Variants in SLC35D1 observed in about 807,000 individuals in gnomAD.
SLC35D1 encodes the protein nucleotide sugar transporter SLC35D1.
SLC35D1 carries 31 observed loss-of-function variants against 46.7 expected under a neutral mutation model. That is an observed-to-expected ratio of 0.66 (90% CI 0.50 to 0.90). SLC35D1 has a LOEUF of 0.90. Ranked by LOEUF, SLC35D1 falls within the 40% of genes least tolerant of loss-of-function variation. The probability of loss-of-function intolerance (pLI) is 0.00; values close to 1 mark genes in which losing one functional copy is unlikely to be tolerated. For synonymous variants in SLC35D1, 195 were observed against 164.6 expected (o/e 1.18, Z -1.41); for missense variants, 397 against 426.2 (o/e 0.93, Z 0.60).
chr1:67,020,507 G>C, intron 9 of SLC35D1, 60 bp from the exon 10 acceptor site: 1 of 1,240,230 alleles, frequency 8.1e-7, no homozygotes, highest in Non-Finnish European at 1.2e-6. Flanking sequence ...CTCTAGCCAA[G>C]ATAAACAATC....
chr1:66,979,135 T>TA, the SLC35D1 span, among the ~76,000 whole-genome samples: 1 of 152,010 alleles, frequency 6.6e-6, no homozygotes, highest in Non-Finnish European at 1.5e-5. Context: ...GAAAGAATCA[T>TA]ACTTTTTTAC....
At chr1:67,042,377 A>ATG in intron 7 of SLC35D1, 49 bp from the exon 8 acceptor site, 1 of 1,505,464 alleles carries the variant, frequency 6.6e-7, no homozygotes. Context: ...GTTCTAGCAG[A>ATG]TACAACACTG....
At chr1:67,046,520 A>G (rs1435853279) in intron 7 of SLC35D1, among the ~76,000 whole-genome samples, 2 of 152,220 alleles carry the variant, frequency 1.3e-5, no homozygotes, top group East Asian at 3.8e-4. Context: ...CTATGGTGAC[A>G]TCTAAGATAA....
the SLC35D1 span, among the ~76,000 whole-genome samples, chr1:66,981,146 C>CT: frequency 1.3e-5 from 2 of 152,148 alleles, no homozygotes; most frequent in Non-Finnish European, 2.9e-5. Flanking sequence ...AGAGACAAAT[C>CT]TCTATCCCAG....
chr1:67,053,133 G>A (rs1417120753), intron 1 of SLC35D1, 144 bp from the exon 2 acceptor site: 1 of 997,310 alleles, frequency 1.0e-6, no homozygotes, highest in Non-Finnish European at 1.5e-6. Flanking sequence ...AAAATCTTGG[G>A]AGAAAACTCT....
downstream of SLC35D1, among the ~76,000 whole-genome samples, chr1:66,997,763 TTAAA>T (rs1307233747): frequency 7.5e-5 from 11 of 147,090 alleles, no homozygotes; most frequent in African/African-American, 2.0e-4. Context: ...ATATATATCC[TTAAA>T]TATATATATT....
chr1:67,016,614 TCTAAA>T (rs1466822948), intron 10 of SLC35D1, among the ~76,000 whole-genome samples: 3 of 152,148 alleles, frequency 2.0e-5, no homozygotes, highest in Non-Finnish European at 4.4e-5. Context: ...TTTTTTTTCT[TCTAAA>T]CTATTTATAA....
At chr1:67,030,252 A>G (rs1667990821) in intron 8 of SLC35D1, among the ~76,000 whole-genome samples, 1 of 152,228 alleles carries the variant, frequency 6.6e-6, no homozygotes, top group Non-Finnish European at 1.5e-5. Flanking sequence ...GTATTAGATC[A>G]GCTTGAAAAG....
chr1:67,019,224 A>C (rs549684489), intron 10 of SLC35D1, among the ~76,000 whole-genome samples: 4 of 152,182 alleles, frequency 2.6e-5, no homozygotes, highest in Non-Finnish European at 5.9e-5. Context: ...CCTATTTCTC[A>C]CATTCTCGCT....
At chr1:66,996,428 C>T (rs960444588), downstream of SLC35D1, among the ~76,000 whole-genome samples, 1 of 152,196 alleles carries the variant, frequency 6.6e-6, no homozygotes, top group Non-Finnish European at 1.5e-5. Flanking sequence ...TTAAGAGAAA[C>T]GAGAACCTAG....
Position 67,021,706 on chromosome 1 carries a change from GACACAGACACAGACACAGAC to G in SLC35D1, c.730-124_730-105del, listed in dbSNP as rs1181908471. 294 of 241,230 alleles carry G rather than the reference GACACAGACACAGACACAGAC, an allele frequency of 1.2e-3. 1 individual carries two copies. The highest frequency in any genetic ancestry group is 5.4e-3 in the East Asian group (40 of 7,348). The allele number at this position is 241,230 out of a possible 1,614,324, so 14.9% of individuals were successfully genotyped here. On this transcript the variant is annotated intron_variant, in intron 8 of 11. Transcript: ENST00000235345. ...CGAGTCTGCCTCCAACACAGACACA[GACACAGACACAGACACAGAC>G]ACACACACACACACACACACACACA...
intron 11 of SLC35D1, among the ~76,000 whole-genome samples, chr1:67,004,973 C>T (rs527711428): frequency 2.6e-4 from 39 of 152,174 alleles, no homozygotes; most frequent in Non-Finnish European, 4.1e-4. Context: ...TCATCTGGGC[C>T]GTCAGCCTAT....
At chr1:66,974,798 A>G in the SLC35D1 span, among the ~76,000 whole-genome samples, 8 of 152,308 alleles carry the variant, frequency 5.3e-5, no homozygotes, top group South Asian at 1.7e-3. Context: ...TAGTGAGAAT[A>G]TCGAGTTTGT....
chr1:67,030,263 TAG>T (rs761717883), intron 8 of SLC35D1, among the ~76,000 whole-genome samples: 61 of 152,296 alleles, frequency 4.0e-4, no homozygotes, highest in Non-Finnish European at 4.4e-4. Flanking sequence ...GCTTGAAAAG[TAG>T]AGAGTTTATT....
At chr1:66,981,135 G>A in the SLC35D1 span, among the ~76,000 whole-genome samples, 8 of 152,258 alleles carry the variant, frequency 5.3e-5, no homozygotes, top group South Asian at 1.0e-3. Context: ...CTAAACCTGA[G>A]AGAGACAAAT....
At chr1:67,026,445 T>C (rs1289488155) in intron 8 of SLC35D1, among the ~76,000 whole-genome samples, 1 of 152,202 alleles carries the variant, frequency 6.6e-6, no homozygotes, top group Non-Finnish European at 1.5e-5. Context: ...TTGTCAGATT[T>C]TGGCAGAAGG....
At chr1:66,978,147 G>A in the SLC35D1 span, among the ~76,000 whole-genome samples, 4 of 145,608 alleles carry the variant, frequency 2.7e-5, no homozygotes, top group African/African-American at 1.0e-4. Flanking sequence ...AGTGAGCCGA[G>A]ATCAAACCAC....
At chr1:67,012,495 T>C (rs1045843264) in intron 10 of SLC35D1, among the ~76,000 whole-genome samples, 3 of 121,946 alleles carry the variant, frequency 2.5e-5, no homozygotes, top group Non-Finnish European at 5.0e-5. Flanking sequence ...AAGTACACCA[T>C]TAAAAATTCA....
rs145206449 is a variant in SLC35D1 at position 67,000,621 on chromosome 1, C to T, written c.*3719G>A. The T allele has an allele frequency of 4.6e-5, 7 of 152,300 alleles. No homozygotes were observed. Among genetic ancestry groups the T allele is most frequent in the Non-Finnish European group, 7.3e-5 (5 of 68,038 alleles). 9.4% of individuals were successfully genotyped at this position (152,300 alleles called of 1,614,324 possible). ...TGAGTCTCACCATGAAATAATGACA[C>T]GGTAGCCACATTTGCTGAGGGCCTA... On this transcript the variant is annotated 3_prime_UTR_variant, in exon 12 of 12. Transcript: ENST00000235345.
Sources: allele counts gnomAD v4.1 joint callset (sites outside exome capture counted in the v4.1 genomes callset), GRCh38; gene constraint gnomAD v4.1.1; transcripts MANE v1.5; gene names NCBI Gene and HGNC (gene_info 2026-07-23, HGNC 2026-07-21).